AGBL3: variants seen among roughly 807,000 people sequenced by gnomAD.
AGBL3 encodes the protein cytosolic carboxypeptidase 3.
In AGBL3, 68 loss-of-function variants were observed where a neutral mutation model predicts 94.5. That is an observed-to-expected ratio of 0.72 (90% CI 0.59 to 0.88). The LOEUF (loss-of-function observed/expected upper bound fraction) is 0.88, where lower values mean the gene tolerates loss of function less well. AGBL3 is among the 40% of genes least tolerant of loss of function. The pLI, the probability that AGBL3 is intolerant of heterozygous loss-of-function variation, is 0.00. For missense variants in AGBL3, 934 were observed against 1,103.8 expected (o/e 0.85, Z 2.18); for synonymous variants, 354 against 370.7 (o/e 0.95, Z 0.52).
At chr7:135,045,976 AC>A in intron 11 of AGBL3, 65 bp downstream of exon 11, 1 of 1,090,614 alleles carries the variant, frequency 9.2e-7, no homozygotes, top group Non-Finnish European at 1.3e-6. Context: ...TTATAATTAT[AC>A]CAGCATTTTA....
At chr7:135,013,653 A>G (rs1813422880) in intron 4 of AGBL3, among the ~76,000 whole-genome samples, 1 of 151,716 alleles carries the variant, frequency 6.6e-6, no homozygotes, top group African/African-American at 2.4e-5. Context: ...TAAGTCAGTT[A>G]GTACAAGACA....
At chr7:135,101,960 C>T (rs559295345) in intron 15 of AGBL3, among the ~76,000 whole-genome samples, 9 of 152,248 alleles carry the variant, frequency 5.9e-5, no homozygotes, top group South Asian at 2.1e-4. Context: ...AAGGGGTTTC[C>T]GCTTTCGCTT....
At chr7:135,125,270 G>A (rs1254303471) in intron 16 of AGBL3, among the ~76,000 whole-genome samples, 1 of 151,980 alleles carries the variant, frequency 6.6e-6, no homozygotes, top group Non-Finnish European at 1.5e-5. Flanking sequence ...TCAACACCTT[G>A]ATGCAAATAA....
intron 12 of AGBL3, among the ~76,000 whole-genome samples, chr7:135,061,060 T>TC (rs1168252062): frequency 2.6e-5 from 3 of 115,030 alleles, no homozygotes; most frequent in Non-Finnish European, 6.0e-5. Flanking sequence ...ACACTAATTA[T>TC]CTTTTTTTTT....
intron 5 of AGBL3, 43 bp from the exon 6 acceptor site, chr7:135,032,801 T>G (rs1368137766): frequency 2.7e-6 from 4 of 1,498,050 alleles, no homozygotes; most frequent in Non-Finnish European, 3.6e-6. Context: ...CCTTCTTACT[T>G]TAGGTATACC....
intron 12 of AGBL3, among the ~76,000 whole-genome samples, chr7:135,073,702 G>A (rs1470472122): frequency 6.6e-6 from 1 of 151,708 alleles, no homozygotes; most frequent in Non-Finnish European, 1.5e-5. Context: ...TGCATGATAG[G>A]GTCATGACCG....
At chr7:135,009,439 A>G (rs1812819691) in intron 4 of AGBL3, among the ~76,000 whole-genome samples, 2 of 152,236 alleles carry the variant, frequency 1.3e-5, no homozygotes, top group African/African-American at 4.8e-5. Context: ...TATATAGACA[A>G]AATAGCACAT....
intron 12 of AGBL3, among the ~76,000 whole-genome samples, chr7:135,070,755 C>G (rs1465568013): frequency 6.6e-6 from 1 of 151,898 alleles, no homozygotes; most frequent in African/African-American, 2.4e-5. Context: ...TATGACAAAC[C>G]CACAGCCAAT....
At chr7:135,062,305 T>C (rs1374510134) in intron 12 of AGBL3, among the ~76,000 whole-genome samples, 1 of 152,074 alleles carries the variant, frequency 6.6e-6, no homozygotes, top group Non-Finnish European at 1.5e-5. Flanking sequence ...GGGAGTTTTC[T>C]ATATATAAGA....
At chr7:134,999,355 T>G (rs1811421926) in intron 4 of AGBL3, among the ~76,000 whole-genome samples, 1 of 152,208 alleles carries the variant, frequency 6.6e-6, no homozygotes, top group African/African-American at 2.4e-5. Context: ...GTGTGCCACC[T>G]GCTCCCCAGG....
At chr7:135,024,589 G>A (rs1814884499) in intron 5 of AGBL3, among the ~76,000 whole-genome samples, 1 of 152,190 alleles carries the variant, frequency 6.6e-6, no homozygotes, top group Non-Finnish European at 1.5e-5. Flanking sequence ...AAAAGTCTGA[G>A]TGTCCCTTTA....
At chr7:135,011,700 A>G (rs543947867) in intron 4 of AGBL3, 1 of 152,286 alleles carries the variant, frequency 6.6e-6, no homozygotes, top group East Asian at 1.9e-4. Context: ...TTAATTTGCT[A>G]TTCCCTGATT....
chr7:135,058,547 T>G (rs567131454), intron 11 of AGBL3, among the ~76,000 whole-genome samples: 1 of 152,156 alleles, frequency 6.6e-6, no homozygotes, highest in Non-Finnish European at 1.5e-5. Context: ...TTCATTAACA[T>G]ATTAACAAAT....
intron 15 of AGBL3, among the ~76,000 whole-genome samples, chr7:135,112,207 C>T (rs1006841276): frequency 1.1e-4 from 16 of 152,196 alleles, no homozygotes; most frequent in African/African-American, 3.9e-4. Context: ...GCATTAGCCT[C>T]CTAATTTGTC....
rs766423154 is a variant in AGBL3 at position 135,076,421 on chromosome 7, G to T, written c.1933G>T (p.Glu645Ter). The T allele has an allele frequency of 3.1e-5, 48 of 1,548,324 alleles. No individual in the cohort carries two copies. Among genetic ancestry groups the T allele is most frequent in the Middle Eastern group, 1.7e-4 (1 of 6,002 alleles). The change falls in exon 13 of 17, where the codon GAA (glutamate) becomes TAA (stop). Residue 645 changes from glutamate to a stop codon, truncating the protein, a stop_gained. Transcript: ENST00000436302. LOFTEE classifies it high-confidence loss of function. ...GAAAAAACATTTGAAAACAAAGAAG[G>T]AAAGGAATTCTACCATAGCAAGCCA... ...SQKKHLKTKK[E>*]RNSTIASHQN...
chr7:135,094,636 C>T (rs1459066228), intron 15 of AGBL3: 8 of 424,104 alleles, frequency 1.9e-5, no homozygotes, highest in Admixed American at 2.6e-5. Flanking sequence ...GAGCATTCTC[C>T]GTAACAAGGG....
At chr7:135,005,211 A>G (rs1188027407) in intron 4 of AGBL3, among the ~76,000 whole-genome samples, 1 of 151,762 alleles carries the variant, frequency 6.6e-6, no homozygotes, top group Non-Finnish European at 1.5e-5. Flanking sequence ...TAGCATTTAT[A>G]TTGTTACCTA....
In AGBL3 at chr7:135,079,518, T is replaced by A. The variant is rs1820742289; in HGVS notation, c.1981-685T>A. 2.6e-5 allele frequency among the ~76,000 whole-genome samples: 4 copies of A among 152,162 alleles called. No homozygotes were observed. The South Asian group carries it at 6.2e-4, about 24-fold the overall frequency. Reference sequence around the variant, plus strand: ...TCTAGCTCTGTCGCCCAGGCTGGAGTGCAGTGGCGCCATGTCAGCTCACTG... The same window carrying A: ...TCTAGCTCTGTCGCCCAGGCTGGAGAGCAGTGGCGCCATGTCAGCTCACTG... On this transcript the variant is annotated intron_variant, in intron 13 of 16. Coordinates refer to ENST00000436302, the MANE Select transcript of AGBL3 (RefSeq NM_178563.4).
intron 12 of AGBL3, among the ~76,000 whole-genome samples, chr7:135,061,599 G>A (rs773636370): frequency 6.6e-6 from 1 of 151,988 alleles, no homozygotes; most frequent in Non-Finnish European, 1.5e-5. Context: ...TCATTATTTT[G>A]CATGTGGATA....
Sources: allele counts gnomAD v4.1 joint callset (sites outside exome capture counted in the v4.1 genomes callset), GRCh38; gene constraint gnomAD v4.1.1; transcripts MANE v1.5; gene names NCBI Gene and HGNC (gene_info 2026-07-23, HGNC 2026-07-21).